Variants in RANBP2 observed in about 807,000 individuals in gnomAD.
RANBP2 encodes RAN binding protein 2.
RANBP2 carries 57 observed loss-of-function variants against 303.6 expected under a neutral mutation model. The observed-to-expected ratio is 0.19, with a 90% CI of 0.15 to 0.23. The LOEUF is 0.23. Among genes scored for constraint, RANBP2 ranks in the 10% least tolerant of loss-of-function variants. The pLI is 1.00. For synonymous variants in RANBP2, 1,167 were observed against 1,301.5 expected (o/e 0.90, Z 2.23); for missense variants, 3,138 against 3,780.8 (o/e 0.83, Z 4.46).
At chr2:109,514,476 G>A in the RANBP2 span, among the ~76,000 whole-genome samples, 2 of 152,208 alleles carry the variant, frequency 1.3e-5, no homozygotes. Context: ...ACAGGGCCCT[G>A]TACGAGTTCA....
chr2:109,166,884 G>C, the RANBP2 span, among the ~76,000 whole-genome samples: 1,056 of 152,224 alleles, frequency 6.9e-3, 17 homozygotes, highest in African/African-American at 0.024. Context: ...ATTATACTTA[G>C]GGCTTACTAC....
At chr2:109,624,217 G>C in the RANBP2 span, among the ~76,000 whole-genome samples, 6 of 152,352 alleles carry the variant, frequency 3.9e-5, no homozygotes, top group East Asian at 1.2e-3. Context: ...GAGGCAAGCA[G>C]AGCGGAGCAG....
At chr2:108,807,463 C>G in the RANBP2 span, among the ~76,000 whole-genome samples, 1 of 152,100 alleles carries the variant, frequency 6.6e-6, no homozygotes, top group South Asian at 2.1e-4. Flanking sequence ...CAGTAATTAG[C>G]TAATCCATCA....
the RANBP2 span, among the ~76,000 whole-genome samples, chr2:108,854,838 A>G: frequency 1.9e-4 from 29 of 152,318 alleles, no homozygotes; most frequent in Non-Finnish European, 1.5e-5. Context: ...TGGTTAAGTT[A>G]CAAGTTTAGC....
the RANBP2 span, among the ~76,000 whole-genome samples, chr2:109,683,621 C>T: frequency 4.6e-5 from 7 of 152,096 alleles, no homozygotes; most frequent in African/African-American, 1.2e-4. Flanking sequence ...TGCGCCTGGC[C>T]GGCCGTACTG....
the RANBP2 span, among the ~76,000 whole-genome samples, chr2:109,077,506 CAATGA>C: frequency 6.8e-6 from 1 of 147,410 alleles, no homozygotes; most frequent in Non-Finnish European, 1.5e-5. Flanking sequence ...AGGAATGAAT[CAATGA>C]AATGAAAAAG....
chr2:109,227,025 G>A, the RANBP2 span, among the ~76,000 whole-genome samples: 2 of 152,256 alleles, frequency 1.3e-5, no homozygotes, highest in African/African-American at 4.8e-5. Context: ...TTTCCATGGT[G>A]GCCTAGCAGC....
At chr2:108,886,550 G>C in the RANBP2 span, among the ~76,000 whole-genome samples, 1 of 152,160 alleles carries the variant, frequency 6.6e-6, no homozygotes, top group South Asian at 2.1e-4. Flanking sequence ...GAGTAGCTGG[G>C]ACTACAGGCG....
chr2:108,788,206 G>A, downstream of RANBP2: 2 of 1,012,316 alleles, frequency 2.0e-6, no homozygotes, highest in Non-Finnish European at 2.8e-6. Flanking sequence ...ATCACCTGAG[G>A]TCAGGAGTTC....
At chr2:108,719,712 C>A in intron 1 of RANBP2, 34 bp downstream of exon 1, 2 of 1,566,804 alleles carry the variant, frequency 1.3e-6, no homozygotes, top group East Asian at 2.3e-5. Flanking sequence ...ACGGCCTCGA[C>A]CTGGCCGGGC....
the RANBP2 span, among the ~76,000 whole-genome samples, chr2:109,028,275 GA>G: frequency 6.6e-6 from 1 of 152,248 alleles, no homozygotes; most frequent in Non-Finnish European, 1.5e-5. Flanking sequence ...TGTCTCAAAA[GA>G]AATAAATAAA....
chr2:109,191,018 G>A, the RANBP2 span, among the ~76,000 whole-genome samples: 1 of 151,950 alleles, frequency 6.6e-6, no homozygotes, highest in Admixed American at 6.6e-5. Context: ...TAAAGGGCCA[G>A]AGAGTAAATA....
the RANBP2 span, chr2:109,545,505 C>T: frequency 3.8e-3 from 5,822 of 1,536,124 alleles, 17 homozygotes; most frequent in Non-Finnish European, 4.7e-3. Flanking sequence ...CAAGCTCTGA[C>T]ATCAATGCAC....
the RANBP2 span, chr2:108,897,155 C>T: frequency 1.9e-6 from 3 of 1,613,884 alleles, no homozygotes; most frequent in Non-Finnish European, 2.5e-6. Context: ...ACAGCCTTCT[C>T]AGAGTTGTAC....
the RANBP2 span, among the ~76,000 whole-genome samples, chr2:108,913,565 C>G: frequency 9.2e-5 from 14 of 152,266 alleles, 1 homozygote; most frequent in East Asian, 2.7e-3. Flanking sequence ...GTAATCCCAG[C>G]ACTTTGGGAT....
the RANBP2 span, among the ~76,000 whole-genome samples, chr2:109,172,500 A>G: frequency 6.6e-6 from 1 of 152,152 alleles, no homozygotes; most frequent in Non-Finnish European, 1.5e-5. Flanking sequence ...ATAGTCCTTA[A>G]TGGTGTAATT....
chr2:108,824,227 CTT>C, the RANBP2 span, among the ~76,000 whole-genome samples: 1 of 152,030 alleles, frequency 6.6e-6, no homozygotes, highest in Admixed American at 6.5e-5. Flanking sequence ...ACTTTATAAA[CTT>C]TTTAGTTTTT....
the RANBP2 span, among the ~76,000 whole-genome samples, chr2:108,963,016 GA>G: frequency 1.3e-5 from 2 of 152,162 alleles, no homozygotes; most frequent in Non-Finnish European, 2.9e-5. Context: ...CTGCACCAGC[GA>G]TCAATTGAAC....
the RANBP2 span, among the ~76,000 whole-genome samples, chr2:109,053,754 CA>C: frequency 6.6e-6 from 1 of 152,348 alleles, no homozygotes; most frequent in East Asian, 1.9e-4. Flanking sequence ...GCTCTATAAA[CA>C]GGGGTAAGGA....
Sources: allele counts gnomAD v4.1 joint callset (sites outside exome capture counted in the v4.1 genomes callset), GRCh38; gene constraint gnomAD v4.1.1; transcripts MANE v1.5; gene names NCBI Gene and HGNC (gene_info 2026-07-23, HGNC 2026-07-21).